DNAH9: variants seen among roughly 807,000 people sequenced by gnomAD.
DNAH9 encodes dynein axonemal heavy chain 9, also known as DNAH9 variant protein.
In DNAH9, 345 loss-of-function variants were observed where a neutral mutation model predicts 471.6. The observed-to-expected ratio is 0.73, with a 90% CI of 0.67 to 0.80. The LOEUF (loss-of-function observed/expected upper bound fraction) is 0.80. Ranked by LOEUF, DNAH9 falls within the 30% of genes least tolerant of loss-of-function variation. The pLI is 0.00. For missense variants in DNAH9, 5,407 were observed against 5,609.2 expected (o/e 0.96, Z 1.15); for synonymous variants, 2,093 against 2,123.6 (o/e 0.99, Z 0.40).
At chr17:11,856,421 C>T (rs960679948) in intron 50 of DNAH9, among the ~76,000 whole-genome samples, 24 of 151,858 alleles carry the variant, frequency 1.6e-4, no homozygotes, top group Admixed American at 1.4e-3. Flanking sequence ...TACTTTGGGC[C>T]GGGTGCAGTG....
At chr17:11,810,215 C>T (rs764206240) in intron 44 of DNAH9, 31 bp from the exon 45 acceptor site, 39 of 1,588,818 alleles carry the variant, frequency 2.5e-5, no homozygotes, top group Middle Eastern at 1.7e-4. Flanking sequence ...GCCTTCTTTT[C>T]AGAGATTTCT....
intron 5 of DNAH9, 43 bp from the exon 6 acceptor site, chr17:11,619,505 A>G (rs775262396): frequency 1.8e-6 from 2 of 1,133,698 alleles, no homozygotes; most frequent in South Asian, 2.5e-5. Flanking sequence ...AAGTTACAGG[A>G]TGTCTGCACC....
At chr17:11,817,961 T>C (rs1442857098) in intron 45 of DNAH9, among the ~76,000 whole-genome samples, 4 of 152,254 alleles carry the variant, frequency 2.6e-5, no homozygotes, top group Non-Finnish European at 5.9e-5. Flanking sequence ...GGTTTAGTGC[T>C]ATCAAACCAT....
At chr17:11,916,642 G>A (rs762661988) in intron 61 of DNAH9, among the ~76,000 whole-genome samples, 2 of 152,206 alleles carry the variant, frequency 1.3e-5, no homozygotes, top group Admixed American at 6.5e-5. Flanking sequence ...TGCAGAGTCT[G>A]TGTATCACAC....
intron 4 of DNAH9, among the ~76,000 whole-genome samples, chr17:11,615,021 A>G (rs1320149367): frequency 6.6e-6 from 1 of 152,192 alleles, no homozygotes; most frequent in Non-Finnish European, 1.5e-5. Flanking sequence ...GTCTGGAGCC[A>G]GTGCACACTG....
intron 50 of DNAH9, among the ~76,000 whole-genome samples, chr17:11,865,142 A>T (rs1971997305): frequency 6.6e-6 from 1 of 152,056 alleles, no homozygotes; most frequent in Non-Finnish European, 1.5e-5. Context: ...TTTTGGCATG[A>T]TTTTGCAGCA....
chr17:11,640,487 A>G, intron 10 of DNAH9, 103 bp downstream of exon 10: 1 of 810,066 alleles, frequency 1.2e-6, no homozygotes, highest in South Asian at 1.4e-5. Context: ...AGGCCAGAAA[A>G]TCATCTTCCT....
Position 11,755,548 on chromosome 17 carries a change from A to G in DNAH9, c.6739-1020A>G, listed in dbSNP as rs78624272. 5.1e-3 allele frequency among the ~76,000 whole-genome samples: 779 copies of G among 152,296 alleles called. 5 individuals are homozygous for G. Among genetic ancestry groups the G allele is most frequent in the African/African-American group, 0.018 (762 of 41,566 alleles). On this transcript the variant is annotated intron_variant, in intron 33 of 68. Coordinates refer to ENST00000262442, the MANE Select transcript of DNAH9 (RefSeq NM_001372.4). ...TAGGGATCTTTCATGAGGTACTACT[A>G]TAAAAGGAACAGTATTAATATGAAA...
intron 17 of DNAH9, among the ~76,000 whole-genome samples, chr17:11,677,228 A>C (rs2074062983): frequency 6.6e-6 from 1 of 152,110 alleles, no homozygotes; most frequent in African/African-American, 2.4e-5. Context: ...ATCACTTACT[A>C]AGATAATTGT....
chr17:11,715,539 C>T (rs978592403), intron 26 of DNAH9, among the ~76,000 whole-genome samples: 30 of 152,258 alleles, frequency 2.0e-4, no homozygotes, highest in Middle Eastern at 3.4e-3. Context: ...AAGAGTCAAA[C>T]GGCCTCACCT....
At chr17:11,603,506 C>G (rs2072430250) in intron 1 of DNAH9, among the ~76,000 whole-genome samples, 1 of 152,138 alleles carries the variant, frequency 6.6e-6, no homozygotes, top group Non-Finnish European at 1.5e-5. Flanking sequence ...TTGTGCTGCC[C>G]TCTGATGCCA....
At chr17:11,648,943 T>A (rs1215419202) in intron 12 of DNAH9, among the ~76,000 whole-genome samples, 1 of 152,058 alleles carries the variant, frequency 6.6e-6, no homozygotes, top group East Asian at 1.9e-4. Context: ...CTGACTGACA[T>A]GGAGAAACCC....
chr17:11,885,490 T>C (rs978817497), intron 56 of DNAH9, among the ~76,000 whole-genome samples: 4 of 152,266 alleles, frequency 2.6e-5, no homozygotes, highest in African/African-American at 9.6e-5. Context: ...CTTTCTGAGT[T>C]GCTTTTGTAA....
At chr17:11,715,506 AG>A (rs1303006032) in intron 26 of DNAH9, among the ~76,000 whole-genome samples, 1 of 152,220 alleles carries the variant, frequency 6.6e-6, no homozygotes, top group East Asian at 1.9e-4. Context: ...AAGGATTTAA[AG>A]GGGGAGCACC....
intron 24 of DNAH9, among the ~76,000 whole-genome samples, chr17:11,702,453 A>G (rs150781824): frequency 1.3e-5 from 2 of 152,352 alleles, no homozygotes; most frequent in East Asian, 3.9e-4. Flanking sequence ...CATCAAAGCC[A>G]TAGAGTAGAT....
intron 45 of DNAH9, among the ~76,000 whole-genome samples, 185 bp downstream of exon 45, chr17:11,810,554 T>C (rs1244576881): frequency 6.6e-6 from 1 of 152,198 alleles, no homozygotes; most frequent in Non-Finnish European, 1.5e-5. Context: ...CTATCCTGGC[T>C]CTTTCATTCT....
At chr17:11,641,564 A>G (rs2073272293) in intron 10 of DNAH9, among the ~76,000 whole-genome samples, 1 of 152,158 alleles carries the variant, frequency 6.6e-6, no homozygotes, top group Non-Finnish European at 1.5e-5. Flanking sequence ...AAAGAACTGG[A>G]AGAAATGCCT....
At chr17:11,769,915 G>A (rs1968131211) in intron 38 of DNAH9, among the ~76,000 whole-genome samples, 1 of 152,176 alleles carries the variant, frequency 6.6e-6, no homozygotes, top group African/African-American at 2.4e-5. Flanking sequence ...ACTCATTTAC[G>A]ACACAGTCTC....
Position 11,797,933 on chromosome 17 carries a change from G to A in DNAH9, c.8420+140G>A. On this transcript the variant is annotated intron_variant, in intron 43 of 68. Coordinates refer to ENST00000262442, the MANE Select transcript of DNAH9 (RefSeq NM_001372.4). ...TGCCTTAAAAGTCAAGATGGCTGCT[G>A]GCAGAGCAGCTGCAGCTCCTGCCGC... 3.6e-6 allele frequency: 3 copies of A among 824,850 alleles called. No individual in the cohort carries two copies. In the East Asian group the frequency reaches 8.0e-5, roughly 22 times the overall value. The allele number at this position is 824,850 out of a possible 1,614,324, so 51.1% of individuals were successfully genotyped here.
Sources: gnomAD v4.1 joint callset for allele counts (sites outside exome capture counted in the v4.1 genomes callset) on GRCh38, gnomAD v4.1.1 for gene constraint, MANE v1.5 for transcripts, NCBI Gene and HGNC (gene_info 2026-07-23, HGNC 2026-07-21) for gene names.